The following TFPI variants were observed in gnomAD, a reference collection of about 807,000 sequenced individuals.
TFPI encodes the protein anti-convertin.
In TFPI, 15 loss-of-function variants were observed where a neutral mutation model predicts 34.6. The ratio of observed to expected loss-of-function variants is 0.43; its 90% CI spans 0.29 to 0.67. The LOEUF is 0.67. Ranked by LOEUF, TFPI falls within the 30% of genes least tolerant of loss-of-function variation. The pLI is 0.15. For synonymous variants in TFPI, 105 were observed against 120.1 expected (o/e 0.87, Z 0.82); for missense variants, 301 against 364.0 (o/e 0.83, Z 1.41).
chr2:187,522,989 G>C (rs1687488958), intron 1 of TFPI, among the ~76,000 whole-genome samples: 1 of 151,868 alleles, frequency 6.6e-6, no homozygotes, highest in Admixed American at 6.6e-5. Flanking sequence ...CTATTATTTT[G>C]ATTGTGTTGA....
At chr2:187,533,075 A>G (rs1221970873) in intron 1 of TFPI, among the ~76,000 whole-genome samples, 2 of 152,184 alleles carry the variant, frequency 1.3e-5, no homozygotes, top group East Asian at 3.9e-4. Flanking sequence ...TCAGGGGCTT[A>G]TAGATCAAAC....
At chr2:187,545,504 A>C (rs1376689366) in intron 1 of TFPI, among the ~76,000 whole-genome samples, 2 of 152,182 alleles carry the variant, frequency 1.3e-5, no homozygotes, top group African/African-American at 4.8e-5. Flanking sequence ...TTTTCACCCC[A>C]GAGTCTTACA....
At chr2:187,533,555 A>C (rs1688086322) in intron 1 of TFPI, among the ~76,000 whole-genome samples, 1 of 152,236 alleles carries the variant, frequency 6.6e-6, no homozygotes, top group Non-Finnish European at 1.5e-5. Flanking sequence ...GAAACCCCAC[A>C]CAAACGTCAC....
rs1691708436 is a variant in TFPI at position 187,466,075 on chromosome 2, T to C, written c.*861A>G. 1 of 152,246 alleles carries C rather than the reference T, an allele frequency of 6.6e-6. No homozygotes were observed. The highest frequency in any genetic ancestry group is 2.1e-4 in the South Asian group (1 of 4,834). The allele number at this position is 152,246 out of a possible 1,614,324, so 9.4% of individuals were successfully genotyped here. A position where few individuals can be genotyped will look rare whatever the true frequency, so the allele number is the denominator to read the frequency against. On this transcript the variant is annotated 3_prime_UTR_variant, in exon 8 of 8. Coordinates refer to ENST00000233156, the MANE Select transcript of TFPI (RefSeq NM_006287.6). Reference sequence around the variant, plus strand: ...TATTAGTTGCATTGTGTGCAAATCCTAATGATAACTGAATAGATTTCAGAA... The same window carrying C: ...TATTAGTTGCATTGTGTGCAAATCCCAATGATAACTGAATAGATTTCAGAA...
chr2:187,471,160 T>C (rs8176575), intron 6 of TFPI, among the ~76,000 whole-genome samples: 1,679 of 152,324 alleles, frequency 0.011, 23 homozygotes, highest in African/African-American at 0.038. Context: ...ATAAGGCGGT[T>C]ATTCTTCAGA....
At chr2:187,535,152 C>T (rs1394780504) in intron 1 of TFPI, among the ~76,000 whole-genome samples, 1 of 152,082 alleles carries the variant, frequency 6.6e-6, no homozygotes, top group Non-Finnish European at 1.5e-5. Context: ...GACTTTAACA[C>T]CCCACTGTCA....
intron 1 of TFPI, among the ~76,000 whole-genome samples, chr2:187,529,132 G>A (rs1031595555): frequency 6.6e-6 from 1 of 152,168 alleles, no homozygotes; most frequent in Non-Finnish European, 1.5e-5. Context: ...GCATAAGGAT[G>A]AACTAGTCCA....
chr2:187,484,681 T>C (rs1022963488), intron 5 of TFPI, 130 bp downstream of exon 5: 9 of 737,698 alleles, frequency 1.2e-5, no homozygotes, highest in Non-Finnish European at 1.6e-5. Context: ...AAATCTCACA[T>C]TGAATGCACA....
chr2:187,474,737 A>G lies in TFPI; in HGVS notation c.629-6805T>C, dbSNP rs8176552. ...AGTGTTTCTACATTCAGAAGATGTA[A>G]TACTTGTCTAACATGTTATGAAACA... On this transcript the variant is annotated intron_variant, in intron 6 of 7. Transcript: ENST00000233156. 9.6e-3 allele frequency among the ~76,000 whole-genome samples: 1,462 copies of G among 152,326 alleles called. 30 individuals carry two copies. Among genetic ancestry groups the G allele is most frequent in the African/African-American group, 0.033 (1,385 of 41,582 alleles).
chr2:187,531,721 G>A (rs768721709), intron 1 of TFPI, among the ~76,000 whole-genome samples: 1 of 151,972 alleles, frequency 6.6e-6, no homozygotes, highest in Non-Finnish European at 1.5e-5. Flanking sequence ...TATGTTTGAT[G>A]CCATTTACAA....
chr2:187,477,940 C>A (rs1241219211), intron 6 of TFPI, among the ~76,000 whole-genome samples: 3 of 152,100 alleles, frequency 2.0e-5, no homozygotes, highest in Non-Finnish European at 2.9e-5. Flanking sequence ...TGGCAGGAGG[C>A]AATGTGGAAC....
rs540488395 is a variant in TFPI at position 187,505,583 on chromosome 2, T to C, written c.-2-1813A>G. 2.0e-5 allele frequency among the ~76,000 whole-genome samples: 3 copies of C among 152,284 alleles called. No homozygotes were observed. The South Asian group carries it at 6.2e-4, about 32-fold the overall frequency. ...AATCTTCTCTGCATAGCATGATGCA[T>C]GAACAATGAACTGTCCTGGGTTTTA... On this transcript the variant is annotated intron_variant, in intron 1 of 7. Coordinates refer to ENST00000233156, the MANE Select transcript of TFPI (RefSeq NM_006287.6).
chr2:187,552,373 C>T (rs1689127315), intron 1 of TFPI, among the ~76,000 whole-genome samples: 1 of 151,846 alleles, frequency 6.6e-6, no homozygotes, highest in South Asian at 2.1e-4. Context: ...AAGATGTAAA[C>T]AAAAGATTTC....
chr2:187,528,874 AT>A (rs35146730), intron 1 of TFPI, among the ~76,000 whole-genome samples: 5 of 151,002 alleles, frequency 3.3e-5, no homozygotes, highest in African/African-American at 9.8e-5. Context: ...AAAAAAAAAA[AT>A]TAGTAAAAAT....
chr2:187,530,359 A>G (rs916009760), intron 1 of TFPI, among the ~76,000 whole-genome samples: 1 of 152,258 alleles, frequency 6.6e-6, no homozygotes, highest in African/African-American at 2.4e-5. Context: ...TAAACATTCT[A>G]AGGGCCCTAA....
intron 1 of TFPI, among the ~76,000 whole-genome samples, chr2:187,504,282 G>A (rs1313383699): frequency 6.6e-6 from 1 of 151,842 alleles, no homozygotes; most frequent in African/African-American, 2.4e-5. Flanking sequence ...TTTCATCTTT[G>A]TTTCCTTTAA....
chr2:187,466,921 A>G lies in TFPI; in HGVS notation c.*15T>C, dbSNP rs1224455691. On this transcript the variant is annotated 3_prime_UTR_variant, in exon 8 of 8. Transcript: ENST00000233156. ...AAATATTTAGTAGAATTAATGTTAC[A>G]TTGCTATAACAAATTCACATATTTT... 2.3e-6 allele frequency: 3 copies of G among 1,321,770 alleles called. No individual in the cohort carries two copies. The South Asian group carries it at 3.8e-5, about 17-fold the overall frequency. 81.9% of individuals were successfully genotyped at this position (1,321,770 alleles called of 1,614,324 possible).
intron 1 of TFPI, among the ~76,000 whole-genome samples, chr2:187,532,482 G>A (rs192580303): frequency 6.6e-6 from 1 of 152,334 alleles, no homozygotes. Context: ...AAGGGGTCAG[G>A]GAACTCCCTC....
chr2:187,542,480 T>C (rs1451856592), intron 1 of TFPI, among the ~76,000 whole-genome samples: 1 of 152,122 alleles, frequency 6.6e-6, no homozygotes, highest in Non-Finnish European at 1.5e-5. Flanking sequence ...ATTGAGATTG[T>C]CTTTCAGAAT....
Sources: allele counts gnomAD v4.1 joint callset (sites outside exome capture counted in the v4.1 genomes callset), GRCh38; gene constraint gnomAD v4.1.1; transcripts MANE v1.5; gene names NCBI Gene and HGNC (gene_info 2026-07-23, HGNC 2026-07-21).